FAM193A: variants seen among roughly 807,000 people sequenced by gnomAD.
FAM193A encodes the protein family with sequence similarity 193 member A.
FAM193A carries 22 observed loss-of-function variants against 126.5 expected under a neutral mutation model. That is an observed-to-expected ratio of 0.17 (90% CI 0.12 to 0.25). The LOEUF is 0.25. Among genes scored for constraint, FAM193A ranks in the 10% least tolerant of loss-of-function variants. FAM193A has a pLI of 1.00. For missense variants in FAM193A, 1,675 were observed against 1,672.8 expected, an observed-to-expected ratio of 1.00 and a Z score of -0.02; for synonymous variants, 761 against 646.8, an observed-to-expected ratio of 1.18 and a Z score of -2.68.
chr4:2,622,004 C>T (rs1490125939), intron 2 of FAM193A, among the ~76,000 whole-genome samples: 13 of 152,082 alleles, frequency 8.5e-5, no homozygotes, highest in Non-Finnish European at 1.6e-4. Context: ...CCTGTAATCC[C>T]AGCACTTTGG....
At chr4:2,691,896 A>T (rs1203915496) in intron 15 of FAM193A, among the ~76,000 whole-genome samples, 2 of 152,236 alleles carry the variant, frequency 1.3e-5, no homozygotes, top group African/African-American at 4.8e-5. Flanking sequence ...TTCTTCTAAA[A>T]GCACACCTCC....
At chr4:2,711,674 C>T (rs1194334868) in intron 19 of FAM193A, among the ~76,000 whole-genome samples, 2 of 151,346 alleles carry the variant, frequency 1.3e-5, no homozygotes, top group South Asian at 2.1e-4. Flanking sequence ...CTGGGCTGGG[C>T]GCTATGGCTC....
At chr4:2,623,843 G>A (rs1742706357) in intron 2 of FAM193A, among the ~76,000 whole-genome samples, 1 of 152,176 alleles carries the variant, frequency 6.6e-6, no homozygotes, top group African/African-American at 2.4e-5. Context: ...ATTCCTTTCT[G>A]GAAGTCTCTC....
At chr4:2,572,414 G>A (rs1410895237) in intron 1 of FAM193A, among the ~76,000 whole-genome samples, 1 of 152,024 alleles carries the variant, frequency 6.6e-6, no homozygotes, top group East Asian at 1.9e-4. Context: ...GTGCCTAAAT[G>A]GAAACCAGAT....
intron 2 of FAM193A, among the ~76,000 whole-genome samples, chr4:2,617,837 A>G (rs903842783): frequency 2.0e-5 from 3 of 152,180 alleles, no homozygotes; most frequent in Non-Finnish European, 4.4e-5. Context: ...ATAGCGAATT[A>G]TCTTTTAAAA....
Position 2,699,973 on chromosome 4 carries a change from T to C in FAM193A, c.3801T>C (p.Thr1267=), listed in dbSNP as rs372519161. The C allele has an allele frequency of 5.0e-6, 8 of 1,613,800 alleles. No individual in the cohort carries two copies. The highest frequency in any genetic ancestry group is 1.3e-5 in the African/African-American group (1 of 74,818). ...TCCACAATGGCTCACTAGAGCAAAC[T>C]GAAGAACCAGAAACCTCTTCTCACT... The part of the protein sequence containing the change: ...GNIHNGSLEQ[T]EEPETSSHSP... Residue 1267 remains threonine, a synonymous_variant, in exon 19 of 21, where the codon ACT becomes ACC. Transcript: ENST00000637812.
chr4:2,618,665 G>A (rs1298001913), intron 2 of FAM193A, among the ~76,000 whole-genome samples: 3 of 143,490 alleles, frequency 2.1e-5, no homozygotes, highest in African/African-American at 5.3e-5. Context: ...GTGTGATCTC[G>A]TCTCACTGCA....
intron 18 of FAM193A, among the ~76,000 whole-genome samples, chr4:2,697,342 T>A (rs1717156048): frequency 6.6e-6 from 1 of 151,954 alleles, no homozygotes; most frequent in Non-Finnish European, 1.5e-5. Context: ...GGTGACAGAG[T>A]GAGACTGTCT....
chr4:2,583,057 C>T (rs1386494908), intron 1 of FAM193A, among the ~76,000 whole-genome samples: 1 of 152,170 alleles, frequency 6.6e-6, no homozygotes, highest in East Asian at 1.9e-4. Flanking sequence ...CAACCTCCAC[C>T]TCCCGGGTTC....
intron 1 of FAM193A, among the ~76,000 whole-genome samples, chr4:2,584,098 A>G (rs1341654729): frequency 6.6e-6 from 1 of 152,156 alleles, no homozygotes; most frequent in Non-Finnish European, 1.5e-5. Flanking sequence ...TAGCTGTTAT[A>G]TATAGGTCTG....
At chr4:2,581,867 A>G (rs762931355) in intron 1 of FAM193A, among the ~76,000 whole-genome samples, 1 of 150,050 alleles carries the variant, frequency 6.7e-6, no homozygotes, top group Non-Finnish European at 1.5e-5. Context: ...GTTAGCCAGG[A>G]TGGTCTCAGT....
At chr4:2,707,982 T>TC (rs1299209097) in intron 19 of FAM193A, among the ~76,000 whole-genome samples, 1 of 152,190 alleles carries the variant, frequency 6.6e-6, no homozygotes, top group Non-Finnish European at 1.5e-5. Flanking sequence ...ACTCCTGACT[T>TC]CAAGTGATCC....
At chr4:2,671,710 C>T (rs922941573) in intron 12 of FAM193A, among the ~76,000 whole-genome samples, 1 of 152,204 alleles carries the variant, frequency 6.6e-6, no homozygotes, top group East Asian at 1.9e-4. Flanking sequence ...AACCGGAAGT[C>T]GCGTCTCTGC....
intron 2 of FAM193A, among the ~76,000 whole-genome samples, chr4:2,621,825 G>T (rs1045006858): frequency 5.9e-5 from 9 of 152,064 alleles, no homozygotes; most frequent in African/African-American, 2.2e-4. Flanking sequence ...GAACGGACTC[G>T]CTTAGGGAAC....
intron 13 of FAM193A, among the ~76,000 whole-genome samples, chr4:2,681,486 A>G (rs536206151): frequency 2.1e-4 from 32 of 151,618 alleles, no homozygotes; most frequent in Middle Eastern, 3.4e-3. Flanking sequence ...AAGCTTACTC[A>G]GTTGCCCAGC....
chr4:2,681,972 G>GT (rs1179426155), intron 13 of FAM193A, among the ~76,000 whole-genome samples: 2,131 of 128,188 alleles, frequency 0.017, 17 homozygotes, highest in African/African-American at 0.03. Flanking sequence ...ACTTCTCAGG[G>GT]TTTTTTTTTT....
chr4:2,706,074 G>A (rs1718266905), intron 19 of FAM193A, among the ~76,000 whole-genome samples: 1 of 152,212 alleles, frequency 6.6e-6, no homozygotes, highest in South Asian at 2.1e-4. Context: ...AGGGCATGGT[G>A]GTGCACACCA....
At chr4:2,692,389 T>C (rs1716500427) in intron 15 of FAM193A, among the ~76,000 whole-genome samples, 1 of 152,092 alleles carries the variant, frequency 6.6e-6, no homozygotes, top group African/African-American at 2.4e-5. Context: ...ATGGGGGGAT[T>C]ATGGGAACAA....
At chr4:2,539,273 GC>G (rs1316317613) in intron 1 of FAM193A, among the ~76,000 whole-genome samples, 1 of 152,070 alleles carries the variant, frequency 6.6e-6, no homozygotes, top group Non-Finnish European at 1.5e-5. Context: ...TTGCTATGTT[GC>G]CTAGGCTGGC....
Sources: gnomAD v4.1 joint callset for allele counts (sites outside exome capture counted in the v4.1 genomes callset) on GRCh38, gnomAD v4.1.1 for gene constraint, MANE v1.5 for transcripts, NCBI Gene and HGNC (gene_info 2026-07-23, HGNC 2026-07-21) for gene names.